Variants in CLYBL observed in about 807,000 individuals in gnomAD.
CLYBL encodes citramalyl-CoA lyase, also known as citramalyl-CoA lyase, mitochondrial.
A neutral mutation model predicts 38.9 loss-of-function variants in CLYBL; 31 were observed. The observed-to-expected ratio is 0.80, with a 90% CI of 0.60 to 1.08. CLYBL has a LOEUF of 1.08. Among genes scored for constraint, CLYBL ranks in the 50% least tolerant of loss-of-function variants. The pLI is 0.00. For missense variants in CLYBL, 434 were observed against 411.6 expected (o/e 1.05, Z -0.47); for synonymous variants, 171 against 158.6 (o/e 1.08, Z -0.59).
At chr13:99,734,271 G>A (rs1003613507) in intron 1 of CLYBL, among the ~76,000 whole-genome samples, 1 of 151,962 alleles carries the variant, frequency 6.6e-6, no homozygotes, top group Non-Finnish European at 1.5e-5. Context: ...GGGTTTCTGG[G>A]TTTTGTATTT....
intron 1 of CLYBL, among the ~76,000 whole-genome samples, chr13:99,637,106 CT>C (rs2047028985): frequency 6.6e-6 from 1 of 152,170 alleles, no homozygotes; most frequent in Non-Finnish European, 1.5e-5. Context: ...TCTTGAACCC[CT>C]GGTCTCAAGT....
intron 1 of CLYBL, among the ~76,000 whole-genome samples, chr13:99,634,947 TTCCCGGAGCGGCAGC>T (rs1184047093): frequency 2.0e-5 from 3 of 152,158 alleles, no homozygotes; most frequent in African/African-American, 7.2e-5. Flanking sequence ...TCCCTGCTCA[TTCCCGGAGCGGCAGC>T]TCCAGGAAGG....
intron 8 of CLYBL, among the ~76,000 whole-genome samples, chr13:99,903,370 GCACA>G (rs954241988): frequency 2.0e-5 from 3 of 151,598 alleles, no homozygotes; most frequent in South Asian, 2.1e-4. Flanking sequence ...AAACACACTG[GCACA>G]CACACACGCA....
chr13:99,704,250 T>C (rs367913228), intron 1 of CLYBL, among the ~76,000 whole-genome samples: 2 of 152,204 alleles, frequency 1.3e-5, no homozygotes, highest in East Asian at 3.8e-4. Flanking sequence ...AAGGGAAAGA[T>C]TTATTTATAT....
At chr13:99,739,313 G>C (rs186688780) in intron 1 of CLYBL, among the ~76,000 whole-genome samples, 15 of 152,294 alleles carry the variant, frequency 9.8e-5, no homozygotes, top group Admixed American at 9.8e-4. Flanking sequence ...GGGAGGAAAG[G>C]AAAATATTTT....
Position 99,638,975 on chromosome 13 carries a change from G to T in CLYBL, c.62+32218G>T, listed in dbSNP as rs115371013. On this transcript the variant is annotated intron_variant, in intron 1 of 8. Transcript: ENST00000339105. ...ACCACAGGTTCTGTTCCAAAGCTGG[G>T]GCTCTTTCGACAAGGCCATGCCCGC... Among the ~76,000 whole-genome samples, 576 of 152,202 alleles carry T rather than the reference G, an allele frequency of 3.8e-3. 4 individuals are homozygous for T. The highest frequency in any genetic ancestry group is 0.013 in the African/African-American group (553 of 41,510).
intron 2 of CLYBL, among the ~76,000 whole-genome samples, chr13:99,794,411 A>G (rs2049980330): frequency 6.6e-6 from 1 of 152,042 alleles, no homozygotes; most frequent in Admixed American, 6.6e-5. Context: ...CAAGAGCAAG[A>G]CTCCATCTCA....
intron 1 of CLYBL, among the ~76,000 whole-genome samples, chr13:99,722,035 G>A (rs1472413644): frequency 2.0e-5 from 3 of 152,124 alleles, no homozygotes; most frequent in African/African-American, 4.8e-5. Context: ...CTTAATCCCT[G>A]CATTTGCTCT....
At chr13:99,836,673 G>A (rs1467336948) in intron 2 of CLYBL, among the ~76,000 whole-genome samples, 2 of 152,194 alleles carry the variant, frequency 1.3e-5, no homozygotes, top group Non-Finnish European at 2.9e-5. Flanking sequence ...TCTATAAAAA[G>A]TATATATTGC....
chr13:99,796,660 C>CA (rs1218177791), intron 2 of CLYBL, among the ~76,000 whole-genome samples: 1 of 152,238 alleles, frequency 6.6e-6, no homozygotes, highest in African/African-American at 2.4e-5. Context: ...TTGATCACCA[C>CA]ATTTGCTAAT....
At chr13:99,695,156 A>G (rs531796171) in intron 1 of CLYBL, among the ~76,000 whole-genome samples, 32 of 152,302 alleles carry the variant, frequency 2.1e-4, no homozygotes, top group African/African-American at 7.2e-4. Flanking sequence ...TACCGTTTCA[A>G]AGAAGCTTCC....
intron 2 of CLYBL, among the ~76,000 whole-genome samples, chr13:99,839,317 G>A (rs2051012005): frequency 6.6e-6 from 1 of 152,218 alleles, no homozygotes; most frequent in African/African-American, 2.4e-5. Context: ...GAAGACAGAA[G>A]ACCCAGGGAA....
intron 2 of CLYBL, among the ~76,000 whole-genome samples, chr13:99,823,739 C>T (rs907493648): frequency 6.6e-6 from 1 of 152,116 alleles, no homozygotes; most frequent in Non-Finnish European, 1.5e-5. Flanking sequence ...TTCTGTGTAT[C>T]TATCACTAAT....
At position 99,803,996 on chromosome 13, in the gene CLYBL, G is replaced by A. The variant is rs901492011; in HGVS notation, c.249+30986G>A. On this transcript the variant is annotated intron_variant, in intron 2 of 8. Transcript: ENST00000339105. ...ACAAGAAACAGCGGAAGATGCTGAG[G>A]ATGTTAATACTGAAGAAAGGACGAC... Among the ~76,000 whole-genome samples the A allele has an allele frequency of 1.3e-4, 20 of 152,020 alleles. 1 individual carries two copies. Among genetic ancestry groups the A allele is most frequent in the Admixed American group, 7.2e-4 (11 of 15,254 alleles).
intron 1 of CLYBL, among the ~76,000 whole-genome samples, chr13:99,711,711 T>A (rs2048236275): frequency 6.7e-6 from 1 of 149,760 alleles, no homozygotes; most frequent in East Asian, 2.0e-4. Flanking sequence ...CAGCTTTTTT[T>A]ATTTTTTATT....
intron 8 of CLYBL, among the ~76,000 whole-genome samples, chr13:99,904,974 G>A (rs1420506564): frequency 6.6e-6 from 1 of 151,488 alleles, no homozygotes; most frequent in Non-Finnish European, 1.5e-5. Context: ...GCCTCCCCCA[G>A]AACAGTACAC....
intron 2 of CLYBL, among the ~76,000 whole-genome samples, chr13:99,794,150 G>C (rs187211727): frequency 2.0e-5 from 3 of 152,328 alleles, no homozygotes; most frequent in Admixed American, 6.5e-5. Context: ...GCCAGGCGCC[G>C]TGGCTCATGC....
chr13:99,805,109 G>A (rs951649232), intron 2 of CLYBL, among the ~76,000 whole-genome samples: 2 of 152,116 alleles, frequency 1.3e-5, no homozygotes, highest in Non-Finnish European at 2.9e-5. Flanking sequence ...CCTTTTTGAG[G>A]CTGGATAGTA....
At chr13:99,795,471 T>A (rs533344103) in intron 2 of CLYBL, among the ~76,000 whole-genome samples, 1 of 151,914 alleles carries the variant, frequency 6.6e-6, no homozygotes, top group Non-Finnish European at 1.5e-5. Flanking sequence ...CTGGGCAACA[T>A]AGTGAGATCC....
Sources: allele counts gnomAD v4.1 joint callset (sites outside exome capture counted in the v4.1 genomes callset), GRCh38; gene constraint gnomAD v4.1.1; transcripts MANE v1.5; gene names NCBI Gene and HGNC (gene_info 2026-07-23, HGNC 2026-07-21).